The following STEAP1B variants were observed in gnomAD, a reference collection of about 807,000 sequenced individuals.
The protein encoded by STEAP1B is STEAP family member 1B.
Under a neutral mutation model 27.9 loss-of-function variants are expected in STEAP1B, and 13 were observed. The ratio of observed to expected loss-of-function variants is 0.47; its 90% CI spans 0.30 to 0.74. The LOEUF is 0.74. Ranked by LOEUF, STEAP1B falls within the 30% of genes least tolerant of loss-of-function variation. STEAP1B has a pLI of 0.06. For synonymous variants in STEAP1B, 86 were observed against 107.1 expected (o/e 0.80, Z 1.22); for missense variants, 250 against 298.7 (o/e 0.84, Z 1.20).
intron 4 of STEAP1B, among the ~76,000 whole-genome samples, chr7:22,440,643 T>A (rs1166666027): frequency 5.9e-5 from 9 of 152,162 alleles, no homozygotes; most frequent in Admixed American, 5.9e-4. Flanking sequence ...ACAAAAAAGG[T>A]CAATTTCAAG....
chr7:22,470,397 C>G (rs1036816287), intron 4 of STEAP1B, among the ~76,000 whole-genome samples: 3 of 152,178 alleles, frequency 2.0e-5, no homozygotes, highest in African/African-American at 7.2e-5. Context: ...TACATTGATA[C>G]ACTTTTATTC....
At chr7:22,492,899 G>A (rs1786356214) in intron 3 of STEAP1B, among the ~76,000 whole-genome samples, 170 bp from the exon 4 acceptor site, 1 of 151,956 alleles carries the variant, frequency 6.6e-6, no homozygotes, top group Non-Finnish European at 1.5e-5. Flanking sequence ...AATGACATAG[G>A]AGCTATCACT....
chr7:22,496,090 A>G (rs1786434999), intron 1 of STEAP1B, among the ~76,000 whole-genome samples: 1 of 152,166 alleles, frequency 6.6e-6, no homozygotes, highest in Non-Finnish European at 1.5e-5. Context: ...GACAAGATAT[A>G]GAGGTGGAAG....
chr7:22,438,612 A>G (rs1303900426), intron 4 of STEAP1B: 1 of 1,552,226 alleles, frequency 6.4e-7, no homozygotes, highest in African/African-American at 1.4e-5. Flanking sequence ...TGAAGTATAT[A>G]TAACTCCTAG....
At chr7:22,422,159 G>T (rs1387533795) in intron 4 of STEAP1B, among the ~76,000 whole-genome samples, 1 of 152,196 alleles carries the variant, frequency 6.6e-6, no homozygotes, top group Non-Finnish European at 1.5e-5. Flanking sequence ...TCTAGGAAAT[G>T]TGCAGAAAAA....
chr7:22,481,128 C>G (rs1421092890), intron 4 of STEAP1B, among the ~76,000 whole-genome samples: 1 of 152,204 alleles, frequency 6.6e-6, no homozygotes, highest in African/African-American at 2.4e-5. Flanking sequence ...ATACCTCAAG[C>G]TGGTGCAAGT....
chr7:22,482,852 C>T (rs1236352111), intron 4 of STEAP1B, among the ~76,000 whole-genome samples: 1 of 152,196 alleles, frequency 6.6e-6, no homozygotes, highest in Non-Finnish European at 1.5e-5. Flanking sequence ...TCAGGCCTTT[C>T]ATAAGTCAAC....
chr7:22,454,866 T>TATA (rs58504014), intron 4 of STEAP1B, among the ~76,000 whole-genome samples: 5,740 of 56,618 alleles, frequency 0.1, 181 homozygotes, highest in East Asian at 0.22. Context: ...TATATATATA[T>TATA]TTTTTTTTTT....
At chr7:22,487,211 A>T (rs1426030164) in intron 4 of STEAP1B, among the ~76,000 whole-genome samples, 1 of 151,760 alleles carries the variant, frequency 6.6e-6, no homozygotes, top group Non-Finnish European at 1.5e-5. Context: ...AGGCAGAAGG[A>T]TCGCTTGAGC....
chr7:22,431,763 T>G (rs1433172269), intron 4 of STEAP1B, among the ~76,000 whole-genome samples: 2 of 152,220 alleles, frequency 1.3e-5, no homozygotes, highest in East Asian at 3.8e-4. Context: ...CCCAGCTGGC[T>G]CCTTGCCTTG....
intron 4 of STEAP1B, among the ~76,000 whole-genome samples, chr7:22,477,375 G>A (rs1785991088): frequency 1.3e-5 from 2 of 151,678 alleles, no homozygotes; most frequent in African/African-American, 4.9e-5. Flanking sequence ...CCTCCAGATG[G>A]TCTTGAATGA....
chr7:22,471,838 G>A (rs1785889806), intron 4 of STEAP1B, among the ~76,000 whole-genome samples: 1 of 149,368 alleles, frequency 6.7e-6, no homozygotes, highest in African/African-American at 2.5e-5. Flanking sequence ...AGGAATTTGA[G>A]GCTGCAGTGA....
chr7:22,495,783 T>G (rs1193587363), intron 1 of STEAP1B, among the ~76,000 whole-genome samples: 2 of 152,170 alleles, frequency 1.3e-5, no homozygotes, highest in Non-Finnish European at 2.9e-5. Flanking sequence ...GAAAGCTGTT[T>G]CCAGGAATAG....
intron 4 of STEAP1B, among the ~76,000 whole-genome samples, chr7:22,438,074 G>A (rs191624168): frequency 3.6e-4 from 54 of 151,742 alleles, no homozygotes; most frequent in Admixed American, 2.5e-3. Flanking sequence ...TCATTTTGTC[G>A]ATCGTTTCTT....
At chr7:22,464,973 A>ATATATATATATAT (rs1785751120) in intron 4 of STEAP1B, among the ~76,000 whole-genome samples, 5 of 132,606 alleles carry the variant, frequency 3.8e-5, no homozygotes, top group East Asian at 2.2e-4. Flanking sequence ...ATGTAGGCAC[A>ATATATATATATAT]ATAAGAGATT....
At chr7:22,452,088 C>A (rs1785500382) in intron 4 of STEAP1B, among the ~76,000 whole-genome samples, 2 of 151,914 alleles carry the variant, frequency 1.3e-5, no homozygotes, top group South Asian at 2.1e-4. Flanking sequence ...GATAACCAGA[C>A]AAAGGATGAT....
intron 1 of STEAP1B, among the ~76,000 whole-genome samples, chr7:22,499,571 G>C (rs1428132729): frequency 6.6e-6 from 1 of 152,144 alleles, no homozygotes; most frequent in Admixed American, 6.5e-5. Context: ...CAGTGGATTT[G>C]ACCAGAATTA....
At chr7:22,449,026 GTGTA>G (rs772408706) in intron 4 of STEAP1B, among the ~76,000 whole-genome samples, 4 of 152,122 alleles carry the variant, frequency 2.6e-5, no homozygotes, top group Non-Finnish European at 5.9e-5. Context: ...TATATAGTAG[GTGTA>G]TGTATTTATG....
At chr7:22,428,065 A>C (rs1785131045) in intron 4 of STEAP1B, among the ~76,000 whole-genome samples, 1 of 152,208 alleles carries the variant, frequency 6.6e-6, no homozygotes, top group Admixed American at 6.5e-5. Flanking sequence ...AATTGAGGCA[A>C]GAACTGGGTC....
Sources: gnomAD v4.1 joint callset for allele counts (sites outside exome capture counted in the v4.1 genomes callset) on GRCh38, gnomAD v4.1.1 for gene constraint, MANE v1.5 for transcripts, NCBI Gene and HGNC (gene_info 2026-07-23, HGNC 2026-07-21) for gene names.